The following RNF144B variants were observed in gnomAD, a reference collection of about 807,000 sequenced individuals.
RNF144B encodes E3 ubiquitin-protein ligase RNF144B.
RNF144B carries 25 observed loss-of-function variants against 40.2 expected under a neutral mutation model. That is an observed-to-expected ratio of 0.62 (90% CI 0.45 to 0.87). RNF144B has a LOEUF of 0.87. Among genes scored for constraint, RNF144B ranks in the 40% least tolerant of loss-of-function variants. The pLI is 0.00. For missense variants in RNF144B, 365 were observed against 373.7 expected (o/e 0.98, Z 0.19); for synonymous variants, 145 against 136.3 (o/e 1.06, Z -0.44).
rs1208697758 is a variant in RNF144B at position 18,434,440 on chromosome 6, C to T, written c.271-5244C>T. ...TATGATCGTGGTTAATACTGATTAA[C>T]AGGTGTGCCTCACTTTTCATTTCTT... On this transcript the variant is annotated intron_variant, in intron 3 of 7. Coordinates refer to ENST00000259939, the MANE Select transcript of RNF144B (RefSeq NM_182757.4). The surrounding 1 kb of genome is among the most constrained non-coding windows in gnomAD (Gnocchi z 4.1). Among the ~76,000 whole-genome samples the T allele has an allele frequency of 6.6e-6, 1 of 152,102 alleles. No homozygotes were observed. Among genetic ancestry groups the T allele is most frequent in the Non-Finnish European group, 1.5e-5 (1 of 68,034 alleles).
chr6:18,410,190 TTATG>T lies in RNF144B; in HGVS notation c.165+10495_165+10498del, dbSNP rs1402651410. 6.6e-6 allele frequency among the ~76,000 whole-genome samples: 1 copy of T among 152,162 alleles called. No individual in the cohort carries two copies. The highest frequency in any genetic ancestry group is 1.5e-5 in the Non-Finnish European group (1 of 68,030). On this transcript the variant is annotated intron_variant, in intron 2 of 7. Coordinates refer to ENST00000259939, the MANE Select transcript of RNF144B (RefSeq NM_182757.4). The surrounding 1 kb of genome is among the most constrained non-coding windows in gnomAD (Gnocchi z 4.6). ...ATTGTTGCCACTAAGTCACCAAAGT[TTATG>T]TATTTCTTCTTTTGAAGTTGCACCC...
intron 2 of RNF144B, among the ~76,000 whole-genome samples, chr6:18,407,398 A>G (rs886526937): frequency 6.6e-6 from 1 of 152,174 alleles, no homozygotes; most frequent in Admixed American, 6.5e-5. Flanking sequence ...TAGGGATAAT[A>G]AGAAATCATC....
At chr6:18,428,021 C>T (rs775020324) in intron 3 of RNF144B, among the ~76,000 whole-genome samples, 1 of 152,098 alleles carries the variant, frequency 6.6e-6, no homozygotes, top group Non-Finnish European at 1.5e-5. Context: ...TTGTAATAAT[C>T]CCCACGTGTC....
chr6:18,415,751 T>C (rs1795137428), intron 2 of RNF144B, among the ~76,000 whole-genome samples: 2 of 152,070 alleles, frequency 1.3e-5, no homozygotes, highest in Admixed American at 1.3e-4. Context: ...TTTGCTTAGA[T>C]TGGGTTGAAT....
intron 3 of RNF144B, among the ~76,000 whole-genome samples, chr6:18,435,559 C>A (rs10949506): frequency 0.13 from 19,400 of 152,032 alleles, 1,393 homozygotes; most frequent in Admixed American, 0.19. Flanking sequence ...AATTAGTGGG[C>A]AAAGTTTGAT....
At chr6:18,452,649 T>A (rs574188195) in intron 4 of RNF144B, among the ~76,000 whole-genome samples, 4 of 151,906 alleles carry the variant, frequency 2.6e-5, no homozygotes, top group South Asian at 2.1e-4. Context: ...TGACCTTTTT[T>A]AAAAAAAAAT....
At chr6:18,440,723 G>GGTTGT (rs10670327) in intron 4 of RNF144B, among the ~76,000 whole-genome samples, 1 of 151,328 alleles carries the variant, frequency 6.6e-6, no homozygotes, top group Non-Finnish European at 1.5e-5. Context: ...GGGATACATA[G>GGTTGT]GTTAATAGCA....
At position 18,421,867 on chromosome 6, in the gene RNF144B, G is replaced by A. The variant is rs534641141; in HGVS notation, c.166-5714G>A. Among the ~76,000 whole-genome samples, 15 of 152,148 alleles carry A rather than the reference G, an allele frequency of 9.9e-5. No individual in the cohort carries two copies. In the South Asian group the frequency reaches 1.2e-3, roughly 13 times the overall value. Reference sequence around the variant, plus strand: ...TCTGGAATGAAAAGGGATGAGGGACGAGAACTGTCAAACCAAGGTCTCTTT... The same window carrying A: ...TCTGGAATGAAAAGGGATGAGGGACAAGAACTGTCAAACCAAGGTCTCTTT... On this transcript the variant is annotated intron_variant, in intron 2 of 7. Transcript: ENST00000259939.
Position 18,442,174 on chromosome 6 carries a change from A to G in RNF144B, c.331+2430A>G, listed in dbSNP as rs1758979733. On this transcript the variant is annotated intron_variant, in intron 4 of 7. Coordinates refer to ENST00000259939, the MANE Select transcript of RNF144B (RefSeq NM_182757.4). The surrounding 1 kb of genome is among the most constrained non-coding windows in gnomAD (Gnocchi z 4.3). The stretch of plus-strand genomic sequence containing the variant: ...GTGGTTGGCTTTTTGACTTTTCAGT[A>G]GTATTCAAACCTGCTTGTAACTGGC... Among the ~76,000 whole-genome samples the G allele has an allele frequency of 6.6e-6, 1 of 152,192 alleles. No individual in the cohort carries two copies. Among genetic ancestry groups the G allele is most frequent in the Non-Finnish European group, 1.5e-5 (1 of 68,022 alleles).
chr6:18,409,554 G>C (rs1794991346), intron 2 of RNF144B, among the ~76,000 whole-genome samples: 1 of 120,020 alleles, frequency 8.3e-6, no homozygotes, highest in Non-Finnish European at 1.8e-5. Flanking sequence ...AACTTCACTT[G>C]CATAACCTTT....
Position 18,468,775 on chromosome 6 carries a change from G to A in RNF144B, c.*3708G>A, listed in dbSNP as rs943312956. The A allele has an allele frequency of 5.3e-5, 8 of 152,142 alleles. No homozygotes were observed. Among genetic ancestry groups the A allele is most frequent in the African/African-American group, 1.7e-4 (7 of 41,438 alleles). The allele number at this position is 152,142 out of a possible 1,614,324, so 9.4% of individuals were successfully genotyped here. ...TGATTCATGATCCAGGAAGTTTTAT[G>A]TATTTAAAAAATTGCTATCGTGTTA... is the stretch of plus-strand genomic sequence containing the variant. On this transcript the variant is annotated 3_prime_UTR_variant, in exon 8 of 8. Coordinates refer to ENST00000259939, the MANE Select transcript of RNF144B (RefSeq NM_182757.4).
chr6:18,459,445 A>G lies in RNF144B; in HGVS notation c.537-162A>G, dbSNP rs934577274. Among the ~76,000 whole-genome samples, 2 of 152,202 alleles carry G rather than the reference A, an allele frequency of 1.3e-5. No individual in the cohort carries two copies. The highest frequency in any genetic ancestry group is 2.9e-5 in the Non-Finnish European group (2 of 68,028). Reference sequence around the variant, plus strand: ...AAAATAAATAAAGATTCCTTCTTGTATGAGTTATCTGTACATCTAATAATG... The same window carrying G: ...AAAATAAATAAAGATTCCTTCTTGTGTGAGTTATCTGTACATCTAATAATG... On this transcript the variant is annotated intron_variant, in intron 5 of 7. Transcript: ENST00000259939. This position sits in a 1 kb window ranked among gnomAD's most constrained non-coding sequence, Gnocchi z 4.2.
chr6:18,459,690 C>A lies in RNF144B; in HGVS notation c.620C>A (p.Ala207Asp). The A allele has an allele frequency of 6.2e-7, 1 of 1,614,114 alleles. No homozygotes were observed. Residue 207 changes from alanine (A) to aspartate (D), a missense_variant, in exon 6 of 8, where the codon GCT becomes GAT. Physicochemically the swap from Ala to Asp is moderately radical, Grantham distance 126 (BLOSUM62 -2). Transcript: ENST00000259939. The surrounding 1 kb of genome is among the most constrained non-coding windows in gnomAD (Gnocchi z 4.2). ...RVYIERNEGCAQMMCKNCKHT... is the reference protein window; with the variant it reads ...RVYIERNEGCDQMMCKNCKHT... ...TATATCGAACGCAATGAAGGCTGCG[C>A]TCAGATGATGTGCAAAAACTGCAAG...
At chr6:18,396,122 G>A (rs73375921) in intron 1 of RNF144B, among the ~76,000 whole-genome samples, 2,334 of 152,148 alleles carry the variant, frequency 0.015, 56 homozygotes, top group African/African-American at 0.053. Context: ...ATAGCCTATA[G>A]GCATGTAACT....
Position 18,400,714 on chromosome 6 carries a change from G to A in RNF144B, c.165+1015G>A, listed in dbSNP as rs1020314035. On this transcript the variant is annotated intron_variant, in intron 2 of 7. Transcript: ENST00000259939. This position sits in a 1 kb window ranked among gnomAD's most constrained non-coding sequence, Gnocchi z 5.6. Reference sequence around the variant, plus strand: ...CTGTTGAGCAGGAACTATGTCCCAGGAATGGTTCTAGGCACGAGGATTTAT... The same window carrying A: ...CTGTTGAGCAGGAACTATGTCCCAGAAATGGTTCTAGGCACGAGGATTTAT... Among the ~76,000 whole-genome samples the A allele has an allele frequency of 1.3e-5, 2 of 152,182 alleles. No individual in the cohort carries two copies. Among genetic ancestry groups the A allele is most frequent in the African/African-American group, 4.8e-5 (2 of 41,430 alleles).
chr6:18,429,325 G>GAT (rs1231499728), intron 3 of RNF144B, among the ~76,000 whole-genome samples: 7 of 148,268 alleles, frequency 4.7e-5, no homozygotes, highest in Non-Finnish European at 9.0e-5. Flanking sequence ...TGTGTGTATA[G>GAT]ATATATATAC....
At chr6:18,396,090 TG>T (rs1264770205) in intron 1 of RNF144B, among the ~76,000 whole-genome samples, 1 of 152,204 alleles carries the variant, frequency 6.6e-6, no homozygotes, top group African/African-American at 2.4e-5. Context: ...AAATTACATA[TG>T]TTTTTTATAA....
rs1758985199 is a variant in RNF144B at position 18,442,440 on chromosome 6, AGAAACT to A, written c.331+2701_331+2706del. ...GTTGTTATTCTTATTTTATAGATGA[AGAAACT>A]GAAAACAGGACAGATTGAGACTTGC... On this transcript the variant is annotated intron_variant, in intron 4 of 7. Transcript: ENST00000259939. The surrounding 1 kb of genome is among the most constrained non-coding windows in gnomAD (Gnocchi z 4.3). 6.6e-6 allele frequency among the ~76,000 whole-genome samples: 1 copy of A among 152,238 alleles called. No homozygotes were observed. The highest frequency in any genetic ancestry group is 2.1e-4 in the South Asian group (1 of 4,838).
chr6:18,459,673 A>T lies in RNF144B; in HGVS notation c.603A>T (p.Glu201Asp). ...GCCCAGTTTGCCGGGTTTATATCGA[A>T]CGCAATGAAGGCTGCGCTCAGATGA... The part of the protein sequence containing the change: ...KQCPVCRVYI[E>D]RNEGCAQMMC... Residue 201 changes from glutamate (E) to aspartate (D), a missense_variant, in exon 6 of 8, where the codon GAA becomes GAT. By Grantham distance (45) the Glu-to-Asp change is conservative. Transcript: ENST00000259939. This position sits in a 1 kb window ranked among gnomAD's most constrained non-coding sequence, Gnocchi z 4.2. 6.2e-7 allele frequency: 1 copy of T among 1,614,136 alleles called. No homozygotes were observed. Among genetic ancestry groups the T allele is most frequent in the Non-Finnish European group, 8.5e-7 (1 of 1,179,994 alleles).
Sources: gnomAD v4.1 joint callset for allele counts (sites outside exome capture counted in the v4.1 genomes callset) on GRCh38, gnomAD v4.1.1 for gene constraint, Gnocchi (gnomAD v3.1) non-coding constraint, MANE v1.5 for transcripts, NCBI Gene and HGNC (gene_info 2026-07-23, HGNC 2026-07-21) for gene names.